Variants in PTPRT observed in about 807,000 individuals in gnomAD.
PTPRT encodes the protein receptor-type tyrosine-protein phosphatase T.
Under a neutral mutation model 176.8 loss-of-function variants are expected in PTPRT, and 56 were observed. The ratio of observed to expected loss-of-function variants is 0.32; its 90% confidence interval spans 0.26 to 0.40. PTPRT has a LOEUF of 0.40. Ranked by LOEUF, PTPRT falls within the 10% of genes least tolerant of loss-of-function variation. PTPRT has a pLI of 1.00. For synonymous variants in PTPRT, 783 were observed against 739.0 expected, an observed-to-expected ratio of 1.06 and a Z score of -0.96; for missense variants, 1,540 against 1,908.2, an observed-to-expected ratio of 0.81 and a Z score of 3.60.
At chr20:42,664,511 TAAAC>T (rs2075279779) in intron 7 of PTPRT, among the ~76,000 whole-genome samples, 1 of 152,234 alleles carries the variant, frequency 6.6e-6, no homozygotes, top group Admixed American at 6.5e-5. Flanking sequence ...TTTAAGTTTT[TAAAC>T]TACCCATAAT....
At chr20:42,736,817 G>C (rs191203865) in intron 6 of PTPRT, among the ~76,000 whole-genome samples, 1 of 152,034 alleles carries the variant, frequency 6.6e-6, no homozygotes, top group Admixed American at 6.5e-5. Flanking sequence ...GATGAGGAGA[G>C]ATGGAAGGAG....
At chr20:43,130,128 T>A (rs889963040) in intron 1 of PTPRT, among the ~76,000 whole-genome samples, 1 of 152,186 alleles carries the variant, frequency 6.6e-6, no homozygotes, top group African/African-American at 2.4e-5. Context: ...TTGATAGTCT[T>A]GATGATGTGA....
intron 7 of PTPRT, among the ~76,000 whole-genome samples, chr20:42,659,531 C>A (rs2075185696): frequency 6.6e-6 from 1 of 152,192 alleles, no homozygotes; most frequent in South Asian, 2.1e-4. Context: ...GAGTTAGAGT[C>A]TAATCTATTC....
chr20:43,124,314 A>G (rs2013366806), intron 1 of PTPRT, among the ~76,000 whole-genome samples: 1 of 152,262 alleles, frequency 6.6e-6, no homozygotes, highest in Non-Finnish European at 1.5e-5. Flanking sequence ...GAGCTTTGTA[A>G]TCAATTACTG....
intron 11 of PTPRT, among the ~76,000 whole-genome samples, chr20:42,318,486 AG>A (rs2057752703): frequency 1.3e-5 from 2 of 152,172 alleles, no homozygotes. Flanking sequence ...CTGATCTGTG[AG>A]GGAAAGGGCA....
intron 23 of PTPRT, among the ~76,000 whole-genome samples, chr20:42,108,744 ATATAT>A (rs1233204524): frequency 6.6e-6 from 1 of 152,176 alleles, no homozygotes; most frequent in Non-Finnish European, 1.5e-5. Flanking sequence ...GAGAATAATG[ATATAT>A]TAGAGTGCTT....
rs747007413 is a variant in PTPRT, at chr20:42,085,901, G to A, written c.3847-48C>T. ...AGAAGGAGCTCAAAGGCAGGGGGCG[G>A]GTATCAAAGTCTCATTTATCAACAA... On this transcript the variant is annotated intron_variant, in intron 27 of 30. Transcript: ENST00000373187. 4.3e-5 allele frequency: 66 copies of A among 1,526,460 alleles called. No homozygotes were observed. The Admixed American group carries it at 5.3e-4, about 12-fold the overall frequency. The allele number at this position is 1,526,460 out of a possible 1,614,324, so 94.6% of individuals were successfully genotyped here.
chr20:42,372,562 G>A (rs1031679953), intron 9 of PTPRT, among the ~76,000 whole-genome samples: 7 of 152,110 alleles, frequency 4.6e-5, no homozygotes, highest in Non-Finnish European at 8.8e-5. Flanking sequence ...TGGGATTACA[G>A]GCGTGAGCCA....
intron 9 of PTPRT, among the ~76,000 whole-genome samples, chr20:42,362,649 T>G (rs956704766): frequency 6.6e-6 from 1 of 152,166 alleles, no homozygotes; most frequent in African/African-American, 2.4e-5. Context: ...GATTATAGTG[T>G]TCATTATAAT....
chr20:42,474,414 G>A (rs572908347), intron 7 of PTPRT, among the ~76,000 whole-genome samples: 7 of 152,310 alleles, frequency 4.6e-5, no homozygotes, highest in East Asian at 1.9e-4. Context: ...TGGCAAGCCC[G>A]CACAGAGCTG....
chr20:42,714,218 C>T (rs1600651475), intron 6 of PTPRT, among the ~76,000 whole-genome samples: 1 of 152,068 alleles, frequency 6.6e-6, no homozygotes, highest in Non-Finnish European at 1.5e-5. Flanking sequence ...TTCTGGGGTT[C>T]TAAGAATCAT....
chr20:43,184,099 C>T (rs1449751573), intron 1 of PTPRT, among the ~76,000 whole-genome samples: 1 of 152,200 alleles, frequency 6.6e-6, no homozygotes, highest in African/African-American at 2.4e-5. Flanking sequence ...AAAGTGACTC[C>T]ACCATTTTTT....
At chr20:43,034,976 T>A (rs1986316473) in intron 1 of PTPRT, among the ~76,000 whole-genome samples, 1 of 143,226 alleles carries the variant, frequency 7.0e-6, no homozygotes, top group Non-Finnish European at 1.5e-5. Flanking sequence ...TTAGTAACAA[T>A]GCTGGGATTA....
At chr20:42,139,309 G>A (rs559402407) in intron 18 of PTPRT, among the ~76,000 whole-genome samples, 5 of 152,244 alleles carry the variant, frequency 3.3e-5, no homozygotes, top group East Asian at 3.9e-4. Context: ...AGGTGGTATC[G>A]TCAAGGTGCT....
At chr20:42,669,051 G>A (rs2075369789) in intron 7 of PTPRT, among the ~76,000 whole-genome samples, 1 of 151,838 alleles carries the variant, frequency 6.6e-6, no homozygotes, top group Admixed American at 6.6e-5. Flanking sequence ...CTCCATAACC[G>A]AGTATGATCA....
intron 7 of PTPRT, among the ~76,000 whole-genome samples, chr20:42,534,713 AT>A: frequency 6.6e-6 from 1 of 152,274 alleles, no homozygotes; most frequent in Non-Finnish European, 1.5e-5. Context: ...AATCAACATT[AT>A]CATGAGTGAC....
chr20:42,478,918 T>C (rs1165637076), intron 7 of PTPRT, among the ~76,000 whole-genome samples: 1 of 152,096 alleles, frequency 6.6e-6, no homozygotes, highest in East Asian at 1.9e-4. Flanking sequence ...AATGAATAAA[T>C]CTAGAAAGTA....
intron 7 of PTPRT, among the ~76,000 whole-genome samples, chr20:42,614,324 C>T (rs752821950): frequency 1.1e-4 from 17 of 152,170 alleles, no homozygotes; most frequent in Admixed American, 2.6e-4. Context: ...TAACTGCATG[C>T]ACAATGACCG....
chr20:42,233,826 T>C (rs548453818), intron 15 of PTPRT, among the ~76,000 whole-genome samples: 1 of 152,348 alleles, frequency 6.6e-6, no homozygotes, highest in South Asian at 2.1e-4. Context: ...ACTGCTGGTA[T>C]GAGCTTCCTG....
Sources: allele counts gnomAD v4.1 joint callset (sites outside exome capture counted in the v4.1 genomes callset), GRCh38; gene constraint gnomAD v4.1.1; transcripts MANE v1.5; gene names NCBI Gene and HGNC (gene_info 2026-07-23, HGNC 2026-07-21).